TRIM38: variants seen among roughly 807,000 people sequenced by gnomAD.
The protein encoded by TRIM38 is tripartite motif containing 38, also known as E3 ubiquitin-protein ligase TRIM38.
In TRIM38, 35 loss-of-function variants were observed where a neutral mutation model predicts 35.8. That is an observed-to-expected ratio of 0.98 (90% CI 0.75 to 1.30). The LOEUF (loss-of-function observed/expected upper bound fraction) is 1.30. TRIM38 is among the 50% of genes most tolerant of loss of function. The pLI is 0.00. For missense variants in TRIM38, 545 were observed against 556.9 expected (o/e 0.98, Z 0.21); for synonymous variants, 198 against 204.7 (o/e 0.97, Z 0.28).
chr6:25,966,648 C>A lies in TRIM38; in HGVS notation c.126C>A (p.Asp42Glu). 1 of 1,614,176 alleles carries A rather than the reference C, an allele frequency of 6.2e-7. No homozygotes were observed. The highest frequency in any genetic ancestry group is 1.1e-5 in the South Asian group (1 of 91,082). ...GHSYCHLCIT[D>E]FFKNPSQKQL... Reference sequence around the variant, plus strand: ...GCTACTGCCACTTGTGTATAACAGACTTCTTTAAAAACCCAAGCCAAAAGC... The same window carrying A: ...GCTACTGCCACTTGTGTATAACAGAATTCTTTAAAAACCCAAGCCAAAAGC... Residue 42 changes from aspartate (D) to glutamate (E), a missense_variant, in exon 3 of 8, where the codon GAC becomes GAA. Physicochemically the swap from Asp to Glu is conservative, Grantham distance 45 (BLOSUM62 2). Transcript: ENST00000357085.
intron 7 of TRIM38, among the ~76,000 whole-genome samples, chr6:25,978,290 C>A (rs1313495102): frequency 6.6e-6 from 1 of 151,680 alleles, no homozygotes; most frequent in Non-Finnish European, 1.5e-5. Context: ...CATGGGCCAC[C>A]ACATCTGGCT....
At position 25,964,899 on chromosome 6, in the gene TRIM38, C is replaced by T. The variant is rs9379813; in HGVS notation, c.-188-1436C>T. On this transcript the variant is annotated intron_variant, in intron 2 of 7. Transcript: ENST00000357085. Reference sequence around the variant, plus strand: ...TAATCTGGGCTCACTGCAACCTCCCCCTCCGGAGCTCAAGTCATTCTCCTT... The same window carrying T: ...TAATCTGGGCTCACTGCAACCTCCCTCTCCGGAGCTCAAGTCATTCTCCTT... Among the ~76,000 whole-genome samples, 905 of 152,076 alleles carry T rather than the reference C, an allele frequency of 6.0e-3. 20 individuals are homozygous for T. In the East Asian group the frequency reaches 0.066, roughly 11 times the overall value.
Position 25,989,059 on chromosome 6 carries a change from C to G in TRIM38, c.*5372C>G, listed in dbSNP as rs539056492. ...TTACTATTGCTACATATCTTTGCAA[C>G]CTTTGGTGCTGACAGTGTTCTAAAT... is the stretch of plus-strand genomic sequence containing the variant. On this transcript the variant is annotated 3_prime_UTR_variant, in exon 8 of 8. Transcript: ENST00000357085. The G allele has an allele frequency of 6.6e-6, 1 of 152,156 alleles. No individual in the cohort carries two copies. The highest frequency in any genetic ancestry group is 1.5e-5 in the Non-Finnish European group (1 of 68,038). The allele number at this position is 152,156 out of a possible 1,614,324, so 9.4% of individuals were successfully genotyped here. A position where few individuals can be genotyped will look rare whatever the true frequency, so the allele number is the denominator to read the frequency against.
At chr6:25,973,134 T>C (rs1760289226) in intron 6 of TRIM38, 39 bp from the exon 7 acceptor site, 4 of 1,614,100 alleles carry the variant, frequency 2.5e-6, no homozygotes, top group Non-Finnish European at 2.5e-6. Context: ...ATGAATGGAA[T>C]GCACCTCTGA....
chr6:25,983,638 T>TC lies in TRIM38; in HGVS notation c.1351dup (p.Gln451ProfsTer15), dbSNP rs1170473041. 1.9e-6 allele frequency: 3 copies of TC among 1,611,482 alleles called. No homozygotes were observed. Among genetic ancestry groups the TC allele is most frequent in the Admixed American group, 1.7e-5 (1 of 59,596 alleles). The stretch of plus-strand genomic sequence containing the variant: ...TTCTCTGATACTCTCCGGCCCTATT[T>TC]CCAGGTTTATCAATATTCTCCTTTG... On this transcript the variant is annotated frameshift_variant, in exon 8 of 8. Coordinates refer to ENST00000357085, the MANE Select transcript of TRIM38 (RefSeq NM_006355.5). LOFTEE classifies it high-confidence loss of function.
chr6:25,987,214 C>CCCA lies in TRIM38; in HGVS notation c.*3529_*3530insACC, dbSNP rs1554143705. 4 of 50,778 alleles carry CCCA rather than the reference C, an allele frequency of 7.9e-5. No homozygotes were observed. The highest frequency in any genetic ancestry group is 1.5e-4 in the Non-Finnish European group (3 of 19,954). 3.1% of individuals were successfully genotyped at this position (50,778 alleles called of 1,614,324 possible). A position where few individuals can be genotyped will look rare whatever the true frequency, so the allele number is the denominator to read the frequency against. On this transcript the variant is annotated 3_prime_UTR_variant, in exon 8 of 8. Transcript: ENST00000357085. ...TAACAAAGGTACTCCCCGCCCCCCG[C>CCCA]CCGCCACACACCATCCCCAAAAGGA...
chr6:25,986,508 T>G lies in TRIM38; in HGVS notation c.*2821T>G. 6.9e-6 allele frequency: 1 copy of G among 143,922 alleles called. No individual in the cohort carries two copies. The highest frequency in any genetic ancestry group is 2.2e-4 in the South Asian group (1 of 4,644). The allele number at this position is 143,922 out of a possible 1,614,324, so 8.9% of individuals were successfully genotyped here. ...CAGCCTAAGTGACAGAGCAAGACCT[T>G]GTCTCAAAAAAAAAAAAAAAAAAAG... On this transcript the variant is annotated 3_prime_UTR_variant, in exon 8 of 8. Transcript: ENST00000357085.
At chr6:25,971,782 G>C in intron 4 of TRIM38, 87 bp from the exon 5 acceptor site, 7 of 1,176,426 alleles carry the variant, frequency 6.0e-6, no homozygotes, top group Non-Finnish European at 7.4e-6. Flanking sequence ...AGTAGCGTGT[G>C]TCAGACTTTC....
intron 7 of TRIM38, among the ~76,000 whole-genome samples, chr6:25,976,628 G>GT (rs979759441): frequency 5.9e-5 from 9 of 152,084 alleles, no homozygotes; most frequent in African/African-American, 2.2e-4. Context: ...GTGTAGTTGG[G>GT]TTTTTTTGTT....
Position 25,983,611 on chromosome 6 carries a change from C to A in TRIM38, c.1322C>A (p.Ser441Tyr), listed in dbSNP as rs1300789428. Residue 441 changes from serine to tyrosine, a missense_variant, in exon 8 of 8, where the codon TCC (serine) becomes TAC (tyrosine). Transcript: ENST00000357085. ...GCHIFTFPKA[S>Y]FSDTLRPYFQ... ...CACATCTTTACTTTCCCGAAGGCTT[C>A]CTTCTCTGATACTCTCCGGCCCTAT... 2 of 1,613,826 alleles carry A rather than the reference C, an allele frequency of 1.2e-6. No homozygotes were observed. Among genetic ancestry groups the A allele is most frequent in the Non-Finnish European group, 1.7e-6 (2 of 1,180,016 alleles).
rs915152615 is a variant in TRIM38, at chr6:25,966,808, C to G, written c.286C>G (p.His96Asp). The change falls in exon 3 of 8, where the codon CAC (histidine) becomes GAC (aspartate). Residue 96 changes from histidine to aspartate, a missense_variant. By Grantham distance (81) the His-to-Asp change is moderately conservative (BLOSUM62 -1). Transcript: ENST00000357085. ...GGATCAAGAAATGTCATGTGAGGAA[C>G]ACGGAGAGCAGTTCCACCTGTTCTG... is the stretch of plus-strand genomic sequence containing the variant. ...ETDQEMSCEE[H>D]GEQFHLFCED... is the part of the protein sequence containing the mutation. 1.5e-5 allele frequency: 24 copies of G among 1,614,072 alleles called. No homozygotes were observed. The highest frequency in any genetic ancestry group is 1.9e-5 in the Non-Finnish European group (23 of 1,180,038).
Position 25,983,702 on chromosome 6 carries a change from G to T in TRIM38, c.*15G>T. ...CAGGTGACTAAGGAAAAGAGCAGAA[G>T]CTCCTTGGTTTAACCAGCACAGAGA... On this transcript the variant is annotated 3_prime_UTR_variant, in exon 8 of 8. Transcript: ENST00000357085. The T allele has an allele frequency of 1.3e-6, 2 of 1,553,638 alleles. No individual in the cohort carries two copies. The highest frequency in any genetic ancestry group is 2.8e-5 in the African/African-American group (2 of 72,698).
At chr6:25,979,641 C>T (rs9379814) in intron 7 of TRIM38, among the ~76,000 whole-genome samples, 61,648 of 150,594 alleles carry the variant, frequency 0.41, 13,620 homozygotes, top group East Asian at 0.76. Context: ...AAGAAGCTAC[C>T]TTTTTTTTTG....
In TRIM38 at chr6:25,983,811, T is replaced by G; in HGVS notation, c.*124T>G. The G allele has an allele frequency of 1.2e-6, 1 of 851,322 alleles. No individual in the cohort carries two copies. The highest frequency in any genetic ancestry group is 1.9e-5 in the South Asian group (1 of 52,438). The allele number at this position is 851,322 out of a possible 1,614,324, so 52.7% of individuals were successfully genotyped here. A position where few individuals can be genotyped will look rare whatever the true frequency, so the allele number is the denominator to read the frequency against. ...TTAGTAGTTAGACTAGTGCTGAGAT[T>G]TTAGTGGATATATAATTGATTTATG... On this transcript the variant is annotated 3_prime_UTR_variant, in exon 8 of 8. Coordinates refer to ENST00000357085, the MANE Select transcript of TRIM38 (RefSeq NM_006355.5).
At chr6:25,967,377 G>A (rs938860912) in intron 3 of TRIM38, among the ~76,000 whole-genome samples, 3 of 152,074 alleles carry the variant, frequency 2.0e-5, no homozygotes, top group African/African-American at 4.8e-5. Flanking sequence ...CCCTGGTTTT[G>A]GTGGTGGGGA....
chr6:25,974,000 G>A (rs932116043), intron 7 of TRIM38: 2 of 372,658 alleles, frequency 5.4e-6, no homozygotes, highest in African/African-American at 4.4e-5. Context: ...GAAATGATTT[G>A]GTGGTTATAT....
In TRIM38 at chr6:25,966,425, A is replaced by G; in HGVS notation, c.-98A>G. 4 of 1,295,820 alleles carry G rather than the reference A, an allele frequency of 3.1e-6. No individual in the cohort carries two copies. In the South Asian group the frequency reaches 6.2e-5, roughly 20 times the overall value. The allele number at this position is 1,295,820 out of a possible 1,614,324, so 80.3% of individuals were successfully genotyped here. A position where few individuals can be genotyped will look rare whatever the true frequency, so the allele number is the denominator to read the frequency against. ...AAGTCAGTTGCAGCCAGCTCATCAC[A>G]TAGAGGTGCAGGTGAGGTGTATTTT... is the stretch of plus-strand genomic sequence containing the variant. On this transcript the variant is annotated 5_prime_UTR_variant, in exon 3 of 8. Coordinates refer to ENST00000357085, the MANE Select transcript of TRIM38 (RefSeq NM_006355.5).
At position 25,988,945 on chromosome 6, in the gene TRIM38, T is replaced by C. The variant is rs898473229; in HGVS notation, c.*5258T>C. The C allele has an allele frequency of 6.6e-6, 1 of 152,226 alleles. No individual in the cohort carries two copies. The highest frequency in any genetic ancestry group is 1.5e-5 in the Non-Finnish European group (1 of 68,028). 9.4% of individuals were successfully genotyped at this position (152,226 alleles called of 1,614,324 possible). On this transcript the variant is annotated 3_prime_UTR_variant, in exon 8 of 8. Transcript: ENST00000357085. ...TAAGGAGTGTGATTGGTGAATCTTA[T>C]GGTAAAAGTATGGTTACTTTTGTAA... is the stretch of plus-strand genomic sequence containing the variant.
intron 3 of TRIM38, 52 bp downstream of exon 3, chr6:25,966,985 C>T (rs1188727757): frequency 1.3e-6 from 2 of 1,506,206 alleles, no homozygotes; most frequent in African/African-American, 1.4e-5. Flanking sequence ...TATCCTGCTC[C>T]CCAGGAGCTG....
Sources: gnomAD v4.1 joint callset for allele counts (sites outside exome capture counted in the v4.1 genomes callset) on GRCh38, gnomAD v4.1.1 for gene constraint, MANE v1.5 for transcripts, NCBI Gene and HGNC (gene_info 2026-07-23, HGNC 2026-07-21) for gene names.